TNS3: variants seen among roughly 807,000 people sequenced by gnomAD.
TNS3 encodes tensin-3.
TNS3 carries 45 observed loss-of-function variants against 140.9 expected under a neutral mutation model. The ratio of observed to expected loss-of-function variants is 0.32; its 90% CI spans 0.25 to 0.41. The LOEUF (loss-of-function observed/expected upper bound fraction) is 0.41, where lower values mean the gene tolerates loss of function less well. TNS3 is among the 10% of genes least tolerant of loss of function. The probability of loss-of-function intolerance (pLI) is 1.00; values close to 1 mark genes in which losing one functional copy is unlikely to be tolerated. For missense variants in TNS3, 1,716 were observed against 1,906.7 expected (o/e 0.90, Z 1.86); for synonymous variants, 815 against 788.4 (o/e 1.03, Z -0.56).
Position 47,344,486 on chromosome 7 carries a change from T to C in TNS3, c.2650+269A>G, listed in dbSNP as rs532236358. Among the ~76,000 whole-genome samples, 9 of 152,270 alleles carry C rather than the reference T, an allele frequency of 5.9e-5. 1 individual carries two copies. The South Asian group carries it at 1.5e-3, about 25-fold the overall frequency. ...GCACCAATGCTAAGCTGCCCGACAG[T>C]CACCACTGATGGTCCCATCAACTGC... is the stretch of plus-strand genomic sequence containing the variant. On this transcript the variant is annotated intron_variant, in intron 20 of 30. Transcript: ENST00000311160.
At position 47,435,172 on chromosome 7, in the gene TNS3, A is replaced by G. The variant is rs889539038; in HGVS notation, c.324+110T>C. 4.1e-6 allele frequency: 6 copies of G among 1,445,880 alleles called. No homozygotes were observed. In the African/African-American group the frequency reaches 4.2e-5, roughly 10 times the overall value. The allele number at this position is 1,445,880 out of a possible 1,614,324, so 89.6% of individuals were successfully genotyped here. The stretch of plus-strand genomic sequence containing the variant: ...CTAAAGACAAACCCATAAGGAGCAC[A>G]TCGCACCAGCTCAAAGCGGAAATGT... On this transcript the variant is annotated intron_variant, in intron 8 of 30. Transcript: ENST00000311160.
chr7:47,317,609 C>T (rs1363852190), intron 20 of TNS3, among the ~76,000 whole-genome samples: 2 of 152,178 alleles, frequency 1.3e-5, no homozygotes, highest in Admixed American at 1.3e-4. Context: ...CTCACATAGT[C>T]CCTTAGCAAC....
chr7:47,579,897 T>A (rs947229103), intron 1 of TNS3: 2 of 977,564 alleles, frequency 2.0e-6, no homozygotes, highest in Non-Finnish European at 2.4e-6. Context: ...CAACACCTCC[T>A]GCAGTGGAAG....
chr7:47,582,569 G>A (rs1339919156), upstream of TNS3: 2 of 439,656 alleles, frequency 4.5e-6, no homozygotes, highest in African/African-American at 2.0e-5. Flanking sequence ...CATACATAAA[G>A]GAGCACAGCC....
At chr7:47,352,335 C>T (rs751989451) in intron 17 of TNS3, among the ~76,000 whole-genome samples, 4 of 152,204 alleles carry the variant, frequency 2.6e-5, no homozygotes, top group Non-Finnish European at 5.9e-5. Flanking sequence ...CACTCACAGA[C>T]AGCCTCACAC....
At chr7:47,545,589 C>G (rs1799900129) in intron 1 of TNS3, among the ~76,000 whole-genome samples, 1 of 152,214 alleles carries the variant, frequency 6.6e-6, no homozygotes, top group South Asian at 2.1e-4. Flanking sequence ...CCTTGGGGGG[C>G]TCCCATGGGA....
Position 47,580,466 on chromosome 7 carries a change from G to A in TNS3, c.-265+1585C>T, listed in dbSNP as rs375126246. Among the ~76,000 whole-genome samples, 4 of 152,100 alleles carry A rather than the reference G, an allele frequency of 2.6e-5. No individual in the cohort carries two copies. In the South Asian group the frequency reaches 8.3e-4, roughly 32 times the overall value. On this transcript the variant is annotated intron_variant, in intron 1 of 30. Transcript: ENST00000311160. ...ATTACTATTCCTAAGGTCAGGAGTC[G>A]GGCTTGCTGCCAGTTCCTCCTGTCA...
intron 3 of TNS3, among the ~76,000 whole-genome samples, chr7:47,500,399 G>C (rs1290071464): frequency 6.6e-6 from 1 of 152,230 alleles, no homozygotes; most frequent in Non-Finnish European, 1.5e-5. Context: ...GCGTGAGCTG[G>C]GGCAGGACCA....
At chr7:47,387,663 T>C (rs999804177) in intron 16 of TNS3, among the ~76,000 whole-genome samples, 11 of 152,218 alleles carry the variant, frequency 7.2e-5, no homozygotes, top group African/African-American at 2.7e-4. Flanking sequence ...CAGCTCCATC[T>C]TGTAGCACTT....
intron 1 of TNS3, among the ~76,000 whole-genome samples, chr7:47,567,467 G>A (rs930082765): frequency 3.9e-5 from 6 of 152,092 alleles, no homozygotes; most frequent in South Asian, 2.1e-4. Context: ...GATGGATCAC[G>A]AGGTCAGGAA....
At position 47,384,739 on chromosome 7, in the gene TNS3, C is replaced by A. The variant is rs1276206068; in HGVS notation, c.1024+12061G>T. ...TTCCCTCAGCACAGTGGAGTCACAG[C>A]CAATGTATGTTTAACTCCAGCACCA... On this transcript the variant is annotated intron_variant, in intron 16 of 30. Transcript: ENST00000311160. 6.6e-5 allele frequency among the ~76,000 whole-genome samples: 10 copies of A among 152,280 alleles called. No individual in the cohort carries two copies. In the East Asian group the frequency reaches 1.7e-3, roughly 27 times the overall value.
At chr7:47,545,835 C>T (rs139502957) in intron 1 of TNS3, among the ~76,000 whole-genome samples, 4 of 152,336 alleles carry the variant, frequency 2.6e-5, no homozygotes, top group African/African-American at 9.6e-5. Flanking sequence ...CAGTTCTCAG[C>T]CAACACTGCT....
At chr7:47,299,576 A>C (rs1486430524) in intron 23 of TNS3, among the ~76,000 whole-genome samples, 2 of 152,262 alleles carry the variant, frequency 1.3e-5, no homozygotes, top group African/African-American at 4.8e-5. Flanking sequence ...GCCTCACGGG[A>C]CTGAGACTTT....
At chr7:47,505,900 G>A (rs1392177828) in intron 3 of TNS3, among the ~76,000 whole-genome samples, 1 of 152,178 alleles carries the variant, frequency 6.6e-6, no homozygotes, top group East Asian at 1.9e-4. Flanking sequence ...GGGGAAACCA[G>A]CCGCCCTAGT....
chr7:47,558,586 CA>C, intron 1 of TNS3, among the ~76,000 whole-genome samples: 1 of 152,264 alleles, frequency 6.6e-6, no homozygotes, highest in South Asian at 2.1e-4. Context: ...CCTCTCCCAT[CA>C]CCTACTTGCA....
chr7:47,454,609 TG>T (rs35089531), intron 4 of TNS3, among the ~76,000 whole-genome samples: 28,639 of 151,900 alleles, frequency 0.19, 2,973 homozygotes, highest in Non-Finnish European at 0.24. Context: ...GGGGCTGCTC[TG>T]GGGGGGCAAC....
At chr7:47,466,973 C>G (rs1430493093) in intron 4 of TNS3, among the ~76,000 whole-genome samples, 1 of 152,192 alleles carries the variant, frequency 6.6e-6, no homozygotes, top group Non-Finnish European at 1.5e-5. Context: ...CCAAAGGTAA[C>G]TAGGGAGTGC....
At position 47,376,726 on chromosome 7, in the gene TNS3, GACAC is replaced by G. The variant is rs148067728; in HGVS notation, c.1025-7109_1025-7106del. Among the ~76,000 whole-genome samples the G allele has an allele frequency of 1.6e-3, 230 of 144,354 alleles. 1 individual carries two copies. Among genetic ancestry groups the G allele is most frequent in the East Asian group, 2.8e-3 (14 of 4,926 alleles). The allele number at this position is 144,354 out of a possible 152,430, so 94.7% of individuals were successfully genotyped here. A position where few individuals can be genotyped will look rare whatever the true frequency, so the allele number is the denominator to read the frequency against. On this transcript the variant is annotated intron_variant, in intron 16 of 30. Coordinates refer to ENST00000311160, the MANE Select transcript of TNS3 (RefSeq NM_022748.12). ...TTCACAGATCAACTATCTAGATCAA[GACAC>G]ACACACACACACACACACACACACA...
intron 8 of TNS3, among the ~76,000 whole-genome samples, chr7:47,431,342 C>T (rs371724268): frequency 1.3e-5 from 2 of 152,096 alleles, no homozygotes; most frequent in African/African-American, 4.8e-5. Context: ...TGCCTGTAAT[C>T]CCAGCGCTTT....
Sources: gnomAD v4.1 joint callset for allele counts (sites outside exome capture counted in the v4.1 genomes callset) on GRCh38, gnomAD v4.1.1 for gene constraint, MANE v1.5 for transcripts, NCBI Gene and HGNC (gene_info 2026-07-23, HGNC 2026-07-21) for gene names.